The following KIAA1217 variants were observed in gnomAD, a reference collection of about 807,000 sequenced individuals.
The protein encoded by KIAA1217 is KIAA1217.
In KIAA1217, 88 loss-of-function variants were observed where a neutral mutation model predicts 163.9. That is an observed-to-expected ratio of 0.54 (90% CI 0.45 to 0.64). KIAA1217 has a LOEUF of 0.64. Among genes scored for constraint, KIAA1217 ranks in the 30% least tolerant of loss-of-function variants. The probability of loss-of-function intolerance (pLI) is 0.00; values close to 1 mark genes in which losing one functional copy is unlikely to be tolerated. For synonymous variants in KIAA1217, 903 were observed against 923.1 expected, an observed-to-expected ratio of 0.98 and a Z score of 0.39; for missense variants, 2,372 against 2,475.0, an observed-to-expected ratio of 0.96 and a Z score of 0.88.
chr10:24,287,462 C>T (rs1167639456), intron 2 of KIAA1217, among the ~76,000 whole-genome samples: 1 of 152,188 alleles, frequency 6.6e-6, no homozygotes, highest in African/African-American at 2.4e-5. Flanking sequence ...TTTTTAATTA[C>T]AGGAAATAAT....
intron 1 of KIAA1217, among the ~76,000 whole-genome samples, chr10:23,796,335 G>C (rs12241292): frequency 0.09 from 12,379 of 138,212 alleles, 835 homozygotes; most frequent in African/African-American, 0.2. Flanking sequence ...CTTCCCGAGA[G>C]ACTGCTTATT....
intron 2 of KIAA1217, among the ~76,000 whole-genome samples, chr10:24,118,197 A>G (rs2063137373): frequency 6.6e-6 from 1 of 151,886 alleles, no homozygotes; most frequent in Admixed American, 6.6e-5. Context: ...AAGAAGACTG[A>G]ATCTAGCAAA....
intron 1 of KIAA1217, among the ~76,000 whole-genome samples, chr10:23,885,282 A>G (rs561453594): frequency 2.0e-5 from 3 of 151,888 alleles, no homozygotes; most frequent in Admixed American, 6.6e-5. Flanking sequence ...GAGAACACTT[A>G]AGATCTACTC....
rs541257506 is a variant in KIAA1217, at chr10:24,181,964, G to A, written c.-170-37662G>A. ...CTTTTTCATATTTCCCATGGAAAGG[G>A]GGAATTTTAAGTGGGGCTTTGAGAG... On this transcript the variant is annotated intron_variant, in intron 2 of 18. Coordinates refer to the KIAA1217 transcript ENST00000376462. Among the ~76,000 whole-genome samples the A allele has an allele frequency of 1.1e-3, 161 of 152,282 alleles. 1 individual carries two copies. Among genetic ancestry groups the A allele is most frequent in the African/African-American group, 3.7e-3 (153 of 41,552 alleles).
chr10:24,249,974 C>T (rs570996188), intron 2 of KIAA1217, among the ~76,000 whole-genome samples: 12 of 152,292 alleles, frequency 7.9e-5, no homozygotes, highest in African/African-American at 2.9e-4. Context: ...GACTTCTTGC[C>T]TCCGTGGCCT....
intron 1 of KIAA1217, among the ~76,000 whole-genome samples, chr10:23,895,818 A>T (rs1841662027): frequency 6.6e-6 from 1 of 151,992 alleles, no homozygotes; most frequent in Non-Finnish European, 1.5e-5. Flanking sequence ...AGTCATAAAA[A>T]ATGATGAGTT....
At chr10:24,314,028 T>C (rs575821063) in intron 2 of KIAA1217, among the ~76,000 whole-genome samples, 64 of 152,062 alleles carry the variant, frequency 4.2e-4, no homozygotes, top group African/African-American at 1.5e-3. Context: ...TTAGTAGAGA[T>C]GGGGTTTCTC....
At chr10:24,134,026 T>C (rs933320616) in intron 2 of KIAA1217, among the ~76,000 whole-genome samples, 1 of 152,196 alleles carries the variant, frequency 6.6e-6, no homozygotes, top group African/African-American at 2.4e-5. Flanking sequence ...TTGTACAATA[T>C]GATGTTTGCC....
chr10:23,921,159 T>G (rs576726115), intron 1 of KIAA1217, among the ~76,000 whole-genome samples: 1 of 152,320 alleles, frequency 6.6e-6, no homozygotes, highest in Admixed American at 6.5e-5. Flanking sequence ...AGTCAAAACA[T>G]CACTCTCTTT....
At chr10:24,351,256 T>A (rs2134016443) in intron 2 of KIAA1217, among the ~76,000 whole-genome samples, 1 of 152,340 alleles carries the variant, frequency 6.6e-6, no homozygotes, top group Admixed American at 6.5e-5. Context: ...CCAGTGATTA[T>A]GCGTCTTGTA....
At chr10:24,273,852 C>CAA (rs768025622) in intron 2 of KIAA1217, among the ~76,000 whole-genome samples, 6 of 120,110 alleles carry the variant, frequency 5.0e-5, no homozygotes, top group Non-Finnish European at 3.6e-5. Context: ...GACTCTGTCT[C>CAA]AAAAAAAAAA....
At chr10:24,182,039 A>G (rs1397681251) in intron 2 of KIAA1217, among the ~76,000 whole-genome samples, 1 of 152,206 alleles carries the variant, frequency 6.6e-6, no homozygotes, top group African/African-American at 2.4e-5. Context: ...AAGGACCACA[A>G]ATGTGTTTAT....
intron 1 of KIAA1217, among the ~76,000 whole-genome samples, chr10:23,929,948 T>G (rs892732869): frequency 4.6e-5 from 7 of 152,210 alleles, no homozygotes; most frequent in South Asian, 2.1e-4. Flanking sequence ...CCTCTTTTTT[T>G]GGGAAATCTC....
intron 5 of KIAA1217, among the ~76,000 whole-genome samples, chr10:24,469,443 C>T (rs75376057): frequency 0.085 from 12,863 of 151,746 alleles, 762 homozygotes; most frequent in East Asian, 0.18. Flanking sequence ...CTTAATGTCC[C>T]TTTTTACACT....
At chr10:24,122,990 G>A (rs2063338823) in intron 2 of KIAA1217, among the ~76,000 whole-genome samples, 1 of 151,888 alleles carries the variant, frequency 6.6e-6, no homozygotes, top group African/African-American at 2.4e-5. Context: ...CAGAAAACTT[G>A]TAGAATAAAA....
chr10:23,935,471 C>G (rs1843487517), intron 1 of KIAA1217, among the ~76,000 whole-genome samples: 1 of 152,178 alleles, frequency 6.6e-6, no homozygotes, highest in African/African-American at 2.4e-5. Flanking sequence ...ACCTGAAATT[C>G]TCAATTTAAT....
intron 3 of KIAA1217, among the ~76,000 whole-genome samples, chr10:24,412,765 A>G (rs925279551): frequency 2.0e-5 from 3 of 152,168 alleles, no homozygotes; most frequent in South Asian, 2.1e-4. Context: ...ATCCTGCCGC[A>G]TGGTGCCAAA....
chr10:23,880,813 CAT>C (rs34243269), intron 1 of KIAA1217, among the ~76,000 whole-genome samples: 29,690 of 151,814 alleles, frequency 0.2, 2,990 homozygotes, highest in African/African-American at 0.23. Context: ...GATGGGGAAA[CAT>C]AGAATTGATG....
chr10:24,501,384 C>A lies in KIAA1217; in HGVS notation c.1840C>A (p.Pro614Thr). 1 of 1,608,644 alleles carries A rather than the reference C, an allele frequency of 6.2e-7. No individual in the cohort carries two copies. The highest frequency in any genetic ancestry group is 8.5e-7 in the Non-Finnish European group (1 of 1,175,844). ...NRNHTDSAGT[P>T]HVSGGKMLSA... ...CTGATGCACTTTTCTCATAGGAACG[C>A]CCCATGTGTCTGGTGGGAAGATGCT... The change falls in exon 9 of 21, where the codon CCC becomes ACC. Residue 614 changes from proline (P) to threonine (T), a missense_variant. Around this residue, in one of 3 missense-constraint regions of KIAA1217, gnomAD observed 1,431 missense variants for 1,470.3 expected, o/e 0.97. Transcript: ENST00000376454.
Sources: allele counts gnomAD v4.1 joint callset (sites outside exome capture counted in the v4.1 genomes callset), GRCh38; gene constraint gnomAD v4.1.1; regional missense constraint gnomAD v4.1.1; transcripts MANE v1.5; gene names NCBI Gene and HGNC (gene_info 2026-07-23, HGNC 2026-07-21).